The following ANK1 variants were observed in gnomAD, a reference collection of about 807,000 sequenced individuals.
ANK1 encodes ankyrin-1.
In ANK1, 51 loss-of-function variants were observed where a neutral mutation model predicts 210.4. The observed-to-expected ratio is 0.24, with a 90% confidence interval of 0.19 to 0.31. ANK1 has a LOEUF of 0.31. Among genes scored for constraint, ANK1 ranks in the 10% least tolerant of loss-of-function variants. The pLI is 1.00. For synonymous variants in ANK1, 967 were observed against 1,025.9 expected (o/e 0.94, Z 1.10); for missense variants, 2,051 against 2,504.4 (o/e 0.82, Z 3.86).
In ANK1 at chr8:41,776,531, C is replaced by T. The variant is rs369681700; in HGVS notation, c.28-18394G>A. 4.6e-5 allele frequency among the ~76,000 whole-genome samples: 7 copies of T among 152,252 alleles called. No homozygotes were observed. In the East Asian group the frequency reaches 9.7e-4, roughly 21 times the overall value. ...CTCCAGGGAGCTGGTGCTACGTCTT[C>T]CCGGCTGGCCCACAATGATCCTAGA... On this transcript the variant is annotated intron_variant, in intron 1 of 42. Transcript: ENST00000289734.
chr8:41,795,598 G>C (rs184373075), intron 1 of ANK1, among the ~76,000 whole-genome samples: 2 of 152,250 alleles, frequency 1.3e-5, no homozygotes, highest in African/African-American at 4.8e-5. Context: ...CATGTCATTT[G>C]TAGCAACGTG....
chr8:41,713,558 C>T (rs1377932281), intron 16 of ANK1, among the ~76,000 whole-genome samples: 1 of 152,200 alleles, frequency 6.6e-6, no homozygotes, highest in Non-Finnish European at 1.5e-5. Context: ...GGTGAGCCTC[C>T]CTACAAAAAT....
At position 41,880,524 on chromosome 8, in the gene ANK1, G is replaced by A. The variant is rs566165817; in HGVS notation, c.126+15831C>T. ...CTCAGTTTCCTCATTTGCAGGATGA[G>A]TAGGTTGTCTTTGAACTAAGGGCCT... On this transcript the variant is annotated intron_variant, in intron 1 of 42. Coordinates refer to the ANK1 transcript ENST00000265709. Among the ~76,000 whole-genome samples the A allele has an allele frequency of 7.2e-5, 11 of 152,332 alleles. No homozygotes were observed. The South Asian group carries it at 2.1e-3, about 29-fold the overall frequency.
At position 41,719,776 on chromosome 8, in the gene ANK1, A is replaced by G; in HGVS notation, c.992T>C (p.Ile331Thr). Reference protein sequence around the residue: ...VRLLLQYDAEIDDITLDHLTP... With the variant: ...VRLLLQYDAETDDITLDHLTP... ...CAGGTGGTCCAGGGTGATGTCGTCT[A>G]TCTCTGCGTCGTATTGCAACAGGAG... Residue 331 changes from isoleucine to threonine, a missense_variant, in exon 10 of 43, where the codon ATA (isoleucine) becomes ACA (threonine). Coordinates refer to ENST00000289734, the MANE Select transcript of ANK1 (RefSeq NM_000037.4). 1 of 1,614,140 alleles carries G rather than the reference A, an allele frequency of 6.2e-7. No individual in the cohort carries two copies. Among genetic ancestry groups the G allele is most frequent in the East Asian group, 2.2e-5 (1 of 44,882 alleles).
chr8:41,893,095 T>G (rs1333614812), intron 1 of ANK1, among the ~76,000 whole-genome samples: 1 of 152,138 alleles, frequency 6.6e-6, no homozygotes, highest in Non-Finnish European at 1.5e-5. Flanking sequence ...TCTGCTTCAC[T>G]TTTCCTCCCA....
In ANK1 at chr8:41,718,113, A is replaced by G; in HGVS notation, c.1199T>C (p.Val400Ala). The change falls in exon 11 of 43, where the codon GTC becomes GCC. Residue 400 changes from valine to alanine, a missense_variant. Transcript: ENST00000289734. The stretch of plus-strand genomic sequence containing the variant: ...CTCTGCAGTCTCTCCTACCTCGGTG[A>G]CCGCGTCGATCGAGGCTCCCGTCTT... The part of the protein sequence containing the change: ...LLKTGASIDA[V>A]TESGLTPLHV... The G allele has an allele frequency of 6.2e-7, 1 of 1,613,856 alleles. No individual in the cohort carries two copies. Among genetic ancestry groups the G allele is most frequent in the Non-Finnish European group, 8.5e-7 (1 of 1,179,960 alleles).
chr8:41,696,203 T>C (rs1820886043), intron 26 of ANK1, among the ~76,000 whole-genome samples, 160 bp downstream of exon 26: 1 of 151,876 alleles, frequency 6.6e-6, no homozygotes, highest in Non-Finnish European at 1.5e-5. Context: ...GATCTGAGAG[T>C]TGTAAGCCCT....
chr8:41,744,632 G>C (rs1835635757), intron 2 of ANK1, among the ~76,000 whole-genome samples: 1 of 151,394 alleles, frequency 6.6e-6, no homozygotes, highest in Non-Finnish European at 1.5e-5. Flanking sequence ...CGCCTCCCGG[G>C]TTCACACCAT....
chr8:41,854,339 T>C (rs1811797848), intron 1 of ANK1, among the ~76,000 whole-genome samples: 2 of 152,198 alleles, frequency 1.3e-5, no homozygotes, highest in African/African-American at 2.4e-5. Context: ...ACTCTGCTGG[T>C]ATCCATCCAG....
At chr8:41,735,153 T>A (rs72638999) in intron 2 of ANK1, among the ~76,000 whole-genome samples, 1,565 of 152,328 alleles carry the variant, frequency 0.01, 13 homozygotes, top group Middle Eastern at 0.021. Flanking sequence ...GTTTTATTCA[T>A]CACTCTCATG....
chr8:41,772,253 T>C (rs1843105439), intron 1 of ANK1, among the ~76,000 whole-genome samples: 1 of 152,232 alleles, frequency 6.6e-6, no homozygotes, highest in South Asian at 2.1e-4. Context: ...TCTCCCACAA[T>C]TGAGCTGTGC....
At chr8:41,884,570 C>G (rs79097321) in intron 1 of ANK1, among the ~76,000 whole-genome samples, 9 of 151,496 alleles carry the variant, frequency 5.9e-5, no homozygotes, top group Non-Finnish European at 1.3e-4. Context: ...CACCGCGGCT[C>G]GCATCTGTAA....
chr8:41,849,283 T>C (rs1810708404), intron 1 of ANK1, among the ~76,000 whole-genome samples: 1 of 152,236 alleles, frequency 6.6e-6, no homozygotes, highest in African/African-American at 2.4e-5. Context: ...AATAGGCCAG[T>C]TTATCAACCT....
At chr8:41,823,174 C>A (rs923936576) in intron 1 of ANK1, among the ~76,000 whole-genome samples, 2 of 152,094 alleles carry the variant, frequency 1.3e-5, no homozygotes, top group Admixed American at 1.3e-4. Context: ...TCATGAAGAG[C>A]CTCTGTACTG....
chr8:41,666,493 T>G (rs1168615425), intron 39 of ANK1, among the ~76,000 whole-genome samples: 1 of 152,230 alleles, frequency 6.6e-6, no homozygotes, highest in Non-Finnish European at 1.5e-5. Flanking sequence ...CATCTGGTTT[T>G]GGCCCAGTCA....
chr8:41,805,064 CTGTGTGTGTGTGTGTGTGTCG>C (rs1450083034), intron 1 of ANK1, among the ~76,000 whole-genome samples: 26 of 148,054 alleles, frequency 1.8e-4, no homozygotes, highest in African/African-American at 6.2e-4. Context: ...TTCTTTCTCT[CTGTGTGTGTGTGTGTGTGTCG>C]TGTGTGTGTG....
At chr8:41,777,634 A>T (rs1844362128) in intron 1 of ANK1, among the ~76,000 whole-genome samples, 1 of 151,786 alleles carries the variant, frequency 6.6e-6, no homozygotes, top group South Asian at 2.1e-4. Context: ...AAACAAACAA[A>T]CAATGTTATG....
chr8:41,864,779 T>C (rs77013380), intron 1 of ANK1, among the ~76,000 whole-genome samples: 2,841 of 152,124 alleles, frequency 0.019, 88 homozygotes, highest in African/African-American at 0.065. Flanking sequence ...ATGCGGAGCA[T>C]CCAGAACCGA....
chr8:41,672,980 CCACGCACACG>C (rs529998401), intron 37 of ANK1, 68 bp from the exon 38 acceptor site: 15,867 of 1,460,238 alleles, frequency 0.011, 126 homozygotes, highest in South Asian at 0.012. Flanking sequence ...ACGTGCAGGT[CCACGCACACG>C]CACGAACACA....
Sources: allele counts gnomAD v4.1 joint callset (sites outside exome capture counted in the v4.1 genomes callset), GRCh38; gene constraint gnomAD v4.1.1; transcripts MANE v1.5; gene names NCBI Gene and HGNC (gene_info 2026-07-23, HGNC 2026-07-21).